The following WNT7B variants were observed in gnomAD, a reference collection of about 807,000 sequenced individuals.
WNT7B encodes protein Wnt-7b.
In WNT7B, 19 loss-of-function variants were observed where a neutral mutation model predicts 38.2. The observed-to-expected ratio is 0.50, with a 90% CI of 0.35 to 0.73. The LOEUF (loss-of-function observed/expected upper bound fraction) is 0.73, where lower values mean the gene tolerates loss of function less well. WNT7B is among the 30% of genes least tolerant of loss of function. The pLI, the probability that WNT7B is intolerant of heterozygous loss-of-function variation, is 0.01. For synonymous variants in WNT7B, 243 were observed against 209.3 expected (o/e 1.16, Z -1.39); for missense variants, 423 against 507.9 (o/e 0.83, Z 1.61).
At chr22:45,926,776 C>T (rs1283934478) in intron 3 of WNT7B, 4 of 985,318 alleles carry the variant, frequency 4.1e-6, no homozygotes, top group South Asian at 9.4e-5. Context: ...CACGAGCCCA[C>T]AGAGTGGACT....
chr22:45,964,202 C>T (rs772408790), intron 1 of WNT7B, among the ~76,000 whole-genome samples: 7 of 152,138 alleles, frequency 4.6e-5, no homozygotes, highest in Admixed American at 2.0e-4. Flanking sequence ...ACTCCCTATC[C>T]GGTGCTCTCT....
intron 1 of WNT7B, 74 bp from the exon 2 acceptor site, chr22:45,950,220 C>T (rs1931900229): frequency 1.5e-6 from 2 of 1,309,620 alleles, no homozygotes; most frequent in South Asian, 1.3e-5. Context: ...CACCTTTCCC[C>T]CACTCAGCCT....
chr22:45,953,586 G>A (rs1043704346), intron 1 of WNT7B, among the ~76,000 whole-genome samples: 4 of 152,222 alleles, frequency 2.6e-5, no homozygotes, highest in African/African-American at 9.7e-5. Context: ...CAAAGCGCTT[G>A]TAGACATTTC....
At chr22:45,939,933 G>T (rs991238522) in intron 2 of WNT7B, among the ~76,000 whole-genome samples, 1 of 152,212 alleles carries the variant, frequency 6.6e-6, no homozygotes. Context: ...AGAGGAGCAG[G>T]AGTTGGAGAG....
intron 1 of WNT7B, among the ~76,000 whole-genome samples, chr22:45,961,580 C>T (rs938619949): frequency 7.7e-5 from 6 of 78,368 alleles, no homozygotes; most frequent in South Asian, 4.6e-4. Flanking sequence ...GGGTGGGGGC[C>T]GGGGCAGTGC....
At chr22:45,964,735 T>C (rs2146748647) in intron 1 of WNT7B, among the ~76,000 whole-genome samples, 1 of 152,162 alleles carries the variant, frequency 6.6e-6, no homozygotes, top group African/African-American at 2.4e-5. Context: ...GACCCACAAG[T>C]GGCCATCAGA....
intron 2 of WNT7B, among the ~76,000 whole-genome samples, chr22:45,947,636 G>T (rs1203261583): frequency 6.6e-6 from 1 of 152,216 alleles, no homozygotes; most frequent in Non-Finnish European, 1.5e-5. Flanking sequence ...AGCTGGGACT[G>T]GGCAGAGAAG....
At chr22:45,955,599 C>A (rs558308559) in intron 1 of WNT7B, among the ~76,000 whole-genome samples, 5 of 152,248 alleles carry the variant, frequency 3.3e-5, no homozygotes, top group African/African-American at 1.2e-4. Context: ...ATGCTGGGAG[C>A]GGGGGCATTC....
At chr22:45,938,564 G>A (rs1455307017) in intron 2 of WNT7B, among the ~76,000 whole-genome samples, 1 of 152,078 alleles carries the variant, frequency 6.6e-6, no homozygotes. Flanking sequence ...TTGAACCTGG[G>A]AGAGGGGAGG....
At chr22:45,938,200 G>T (rs560748715) in intron 2 of WNT7B, among the ~76,000 whole-genome samples, 3 of 152,200 alleles carry the variant, frequency 2.0e-5, no homozygotes, top group Non-Finnish European at 4.4e-5. Context: ...TGAAGTAAAA[G>T]AAGCCAGGCA....
intron 2 of WNT7B, among the ~76,000 whole-genome samples, chr22:45,931,580 G>C (rs904048423): frequency 6.6e-6 from 1 of 151,984 alleles, no homozygotes; most frequent in Non-Finnish European, 1.5e-5. Context: ...CTGGTATACA[G>C]CAGGCCCCAG....
intron 1 of WNT7B, among the ~76,000 whole-genome samples, chr22:45,969,999 C>T (rs778336983): frequency 1.3e-5 from 2 of 152,208 alleles, no homozygotes; most frequent in Non-Finnish European, 2.9e-5. Context: ...TCAGAGACAT[C>T]GAAACCAAGG....
chr22:45,923,792 C>T (rs533780895), intron 3 of WNT7B, among the ~76,000 whole-genome samples: 38 of 152,276 alleles, frequency 2.5e-4, no homozygotes, highest in Non-Finnish European at 4.6e-4. Flanking sequence ...TCCCCACCCT[C>T]GAGCTTAGCG....
chr22:45,949,761 G>A (rs1188101142), intron 2 of WNT7B, among the ~76,000 whole-genome samples, 159 bp downstream of exon 2: 1 of 152,238 alleles, frequency 6.6e-6, no homozygotes, highest in African/African-American at 2.4e-5. Flanking sequence ...GCTGCCTAGG[G>A]CCAGGCCAGG....
In WNT7B at chr22:45,922,964, G is replaced by T. The variant is rs780684809; in HGVS notation, c.942C>A (p.Asn314Lys). 1 of 1,613,308 alleles carries T rather than the reference G, an allele frequency of 6.2e-7. No homozygotes were observed. Reference sequence around the variant, plus strand: ...GCCACACCTTGGTGTACTGGTGGGTGTTGTAGCCTCGGCCGCAGCACATGG... The same window carrying T: ...GCCACACCTTGGTGTACTGGTGGGTTTTGTAGCCTCGGCCGCAGCACATGG... ...CDTMCCGRGY[N>K]THQYTKVWQC... is the part of the protein sequence containing the mutation. Residue 314 changes from asparagine to lysine, a missense_variant, in exon 4 of 4, where the codon AAC (asparagine) becomes AAA (lysine). Asn to Lys is a moderately conservative substitution (Grantham distance 94). Transcript: ENST00000339464.
chr22:45,941,798 G>A (rs988846763), intron 2 of WNT7B, among the ~76,000 whole-genome samples: 6 of 152,248 alleles, frequency 3.9e-5, no homozygotes, highest in East Asian at 1.9e-4. Context: ...GGCCAAGGCC[G>A]TCACTCCTCG....
At chr22:45,972,116 G>GGGGGCCCCCCCCCCCCCCCCCCCCCCCC in intron 1 of WNT7B, 4 of 530,738 alleles carry the variant, frequency 7.5e-6, no homozygotes, top group Middle Eastern at 5.0e-4. Flanking sequence ...CCCGGGGGGA[G>GGGGGCCCCCCCCCCCCCCCCCCCCCCCC]CCCACCCGCC....
At chr22:45,954,621 G>A in intron 1 of WNT7B, 1 of 985,378 alleles carries the variant, frequency 1.0e-6, no homozygotes, top group Non-Finnish European at 1.2e-6. Flanking sequence ...GCCCGTGCAT[G>A]GGTTAAAGGG....
chr22:45,928,044 G>C (rs1418378502), intron 3 of WNT7B, among the ~76,000 whole-genome samples: 1 of 152,214 alleles, frequency 6.6e-6, no homozygotes, highest in African/African-American at 2.4e-5. Context: ...CTGCTGCCTA[G>C]AGGGAGTGCA....
Sources: allele counts gnomAD v4.1 joint callset (sites outside exome capture counted in the v4.1 genomes callset), GRCh38; gene constraint gnomAD v4.1.1; transcripts MANE v1.5; gene names NCBI Gene and HGNC (gene_info 2026-07-23, HGNC 2026-07-21).